RAD51B: variants seen among roughly 807,000 people sequenced by gnomAD.
RAD51B encodes DNA repair protein RAD51 homolog 2.
A neutral mutation model predicts 42.2 loss-of-function variants in RAD51B; 38 were observed. The ratio of observed to expected loss-of-function variants is 0.90; its 90% CI spans 0.70 to 1.18. The LOEUF is 1.18. RAD51B is among the 50% of genes most tolerant of loss of function. RAD51B has a pLI of 0.00. For synonymous variants in RAD51B, 154 were observed against 145.2 expected, an observed-to-expected ratio of 1.06 and a Z score of -0.43; for missense variants, 373 against 400.7, an observed-to-expected ratio of 0.93 and a Z score of 0.59.
chr14:68,437,003 A>G (rs2140149086), intron 9 of RAD51B, among the ~76,000 whole-genome samples: 1 of 152,102 alleles, frequency 6.6e-6, no homozygotes, highest in East Asian at 1.9e-4. Flanking sequence ...TTGGATCCCT[A>G]TTATTTCTTT....
At chr14:67,959,407 T>C (rs576230049) in intron 7 of RAD51B, among the ~76,000 whole-genome samples, 160 of 152,068 alleles carry the variant, frequency 1.1e-3, no homozygotes, top group African/African-American at 3.5e-3. Flanking sequence ...CCACCACGCC[T>C]GGCTAATGTT....
At chr14:68,387,849 C>A (rs1370475229) in intron 8 of RAD51B, among the ~76,000 whole-genome samples, 1 of 151,938 alleles carries the variant, frequency 6.6e-6, no homozygotes, top group Non-Finnish European at 1.5e-5. Context: ...ATGAAAGGTG[C>A]CTTAAGTGTA....
intron 8 of RAD51B, among the ~76,000 whole-genome samples, chr14:68,375,033 C>A (rs2083338380): frequency 6.6e-6 from 1 of 151,752 alleles, no homozygotes; most frequent in Non-Finnish European, 1.5e-5. Flanking sequence ...GCTTTCCATC[C>A]ATTTCTCCTG....
Position 68,565,653 on chromosome 14 carries a change from C to A in RAD51B, c.1037-28832C>A, listed in dbSNP as rs1482274005. On this transcript the variant is annotated intron_variant, in intron 10 of 10. Coordinates refer to the RAD51B transcript ENST00000487270. This position sits in a 1 kb window ranked among gnomAD's most constrained non-coding sequence, Gnocchi z 4.1. Reference sequence around the variant, plus strand: ...AGAAAGAGAGCTAATCTCCTTTACCCCATCCTTGCTGCTGTCTCTGTCTCA... The same window carrying A: ...AGAAAGAGAGCTAATCTCCTTTACCACATCCTTGCTGCTGTCTCTGTCTCA... Among the ~76,000 whole-genome samples the A allele has an allele frequency of 3.9e-5, 6 of 152,302 alleles. No homozygotes were observed. In the East Asian group the frequency reaches 1.2e-3, roughly 29 times the overall value.
intron 10 of RAD51B, among the ~76,000 whole-genome samples, chr14:68,521,255 C>T (rs780733065): frequency 4.2e-4 from 64 of 152,086 alleles, no homozygotes; most frequent in Admixed American, 3.7e-3. Context: ...GAGTGGGCAA[C>T]GTGAAAGTAC....
intron 7 of RAD51B, among the ~76,000 whole-genome samples, chr14:68,082,127 A>G (rs138152925): frequency 0.011 from 1,707 of 151,958 alleles, 13 homozygotes; most frequent in Non-Finnish European, 0.016. Context: ...TACCTGGCTA[A>G]TTCTTTGTGG....
chr14:67,889,187 G>GT (rs1242586106), intron 7 of RAD51B, among the ~76,000 whole-genome samples: 5 of 151,774 alleles, frequency 3.3e-5, no homozygotes, highest in East Asian at 3.9e-4. Context: ...TGTGATATCT[G>GT]TTTTTTGTGA....
intron 7 of RAD51B, among the ~76,000 whole-genome samples, chr14:67,910,661 A>G (rs2043947305): frequency 6.6e-6 from 1 of 151,986 alleles, no homozygotes; most frequent in African/African-American, 2.4e-5. Flanking sequence ...TTAGGTACCA[A>G]TTGAATTCAG....
intron 7 of RAD51B, among the ~76,000 whole-genome samples, chr14:67,975,328 A>G (rs1481707056): frequency 6.6e-6 from 1 of 152,206 alleles, no homozygotes. Context: ...AAAGAAATTT[A>G]TGCTGCTGCT....
chr14:68,566,718 C>T (rs139335837), intron 10 of RAD51B, among the ~76,000 whole-genome samples: 100 of 152,244 alleles, frequency 6.6e-4, no homozygotes, highest in African/African-American at 2.1e-3. Flanking sequence ...GAAGTCTCAT[C>T]AAATCCCACT....
intron 8 of RAD51B, among the ~76,000 whole-genome samples, chr14:68,317,305 A>ACATCTCATCG (rs33991213): frequency 5.0e-3 from 21 of 4,196 alleles, no homozygotes; most frequent in African/African-American, 0.01. Flanking sequence ...TTCACTTTGA[A>ACATCTCATCG]CATATTTATT....
chr14:68,418,338 C>T (rs986217778), intron 9 of RAD51B, among the ~76,000 whole-genome samples: 2 of 152,186 alleles, frequency 1.3e-5, no homozygotes, highest in African/African-American at 4.8e-5. Context: ...TGAGCTCTGA[C>T]CATCACAGGA....
At chr14:68,019,995 G>T (rs2075837784) in intron 7 of RAD51B, among the ~76,000 whole-genome samples, 1 of 152,146 alleles carries the variant, frequency 6.6e-6, no homozygotes, top group African/African-American at 2.4e-5. Flanking sequence ...CAGAAATATT[G>T]TCTTTTGGCT....
At chr14:68,132,969 T>C (rs185998603) in intron 7 of RAD51B, among the ~76,000 whole-genome samples, 52 of 152,304 alleles carry the variant, frequency 3.4e-4, no homozygotes, top group Middle Eastern at 3.4e-3. Flanking sequence ...TTCCAGTGCC[T>C]TCTCTGGACT....
intron 10 of RAD51B, among the ~76,000 whole-genome samples, chr14:68,511,297 C>T (rs1471157892): frequency 6.6e-6 from 1 of 152,192 alleles, no homozygotes; most frequent in Non-Finnish European, 1.5e-5. Context: ...GGAAGGGTTA[C>T]TGCAGCCTTC....
At chr14:68,513,286 A>G (rs1387956437) in intron 10 of RAD51B, among the ~76,000 whole-genome samples, 1 of 152,250 alleles carries the variant, frequency 6.6e-6, no homozygotes, top group Non-Finnish European at 1.5e-5. Flanking sequence ...TGGTGCTTCC[A>G]GTGGGAACTG....
chr14:68,589,793 A>C (rs1438132826), intron 10 of RAD51B, among the ~76,000 whole-genome samples: 1 of 152,150 alleles, frequency 6.6e-6, no homozygotes, highest in Admixed American at 6.5e-5. Context: ...AGCAGCCCTG[A>C]ATGCAATTTG....
chr14:68,252,644 T>A (rs2080661783), intron 7 of RAD51B, among the ~76,000 whole-genome samples: 1 of 152,252 alleles, frequency 6.6e-6, no homozygotes, highest in African/African-American at 2.4e-5. Flanking sequence ...TTATTCTTTT[T>A]TAACAGCTGC....
chr14:68,343,784 C>T (rs987082487), intron 8 of RAD51B, among the ~76,000 whole-genome samples: 2 of 152,270 alleles, frequency 1.3e-5, no homozygotes, highest in Non-Finnish European at 2.9e-5. Flanking sequence ...CATTGCCCTG[C>T]TCAGGCTTGA....
Sources: gnomAD v4.1 joint callset for allele counts (sites outside exome capture counted in the v4.1 genomes callset) on GRCh38, gnomAD v4.1.1 for gene constraint, Gnocchi (gnomAD v3.1) non-coding constraint, MANE v1.5 for transcripts, NCBI Gene and HGNC (gene_info 2026-07-23, HGNC 2026-07-21) for gene names.